Variants in ROBO2 observed in about 807,000 individuals in gnomAD.
The protein encoded by ROBO2 is roundabout homolog 2.
In ROBO2, 53 loss-of-function variants were observed where a neutral mutation model predicts 160.8. The observed-to-expected ratio is 0.33, with a 90% CI of 0.26 to 0.41. The LOEUF is 0.41. ROBO2 is among the 10% of genes least tolerant of loss of function. The probability of loss-of-function intolerance (pLI) is 1.00; values close to 1 mark genes in which losing one functional copy is unlikely to be tolerated. For synonymous variants in ROBO2, 664 were observed against 611.7 expected (o/e 1.09, Z -1.26); for missense variants, 1,577 against 1,722.4 (o/e 0.92, Z 1.49).
intron 2 of ROBO2, among the ~76,000 whole-genome samples, chr3:76,675,499 G>A (rs774958135): frequency 7.2e-5 from 11 of 152,104 alleles, no homozygotes; most frequent in Non-Finnish European, 1.3e-4. Flanking sequence ...AGCCATCATG[G>A]AAGGGTTCAT....
At chr3:76,191,651 A>G (rs72630368) in intron 2 of ROBO2, among the ~76,000 whole-genome samples, 11,425 of 152,122 alleles carry the variant, frequency 0.075, 597 homozygotes, top group East Asian at 0.22. Flanking sequence ...TCTGCAGGAG[A>G]ATACACCTAT....
chr3:77,170,183 ATCTGGG>A (rs767576135), intron 2 of ROBO2, among the ~76,000 whole-genome samples: 21 of 152,118 alleles, frequency 1.4e-4, no homozygotes, highest in Non-Finnish European at 2.5e-4. Context: ...AGGTGGTATT[ATCTGGG>A]TGGCTGCCCA....
intron 1 of ROBO2, among the ~76,000 whole-genome samples, chr3:75,907,765 A>G (rs374316114): frequency 6.6e-6 from 1 of 152,128 alleles, no homozygotes; most frequent in Non-Finnish European, 1.5e-5. Context: ...TGATAGAGAA[A>G]TTCTGGGCGT....
At chr3:76,093,376 A>G (rs1418361938) in intron 2 of ROBO2, among the ~76,000 whole-genome samples, 2 of 151,840 alleles carry the variant, frequency 1.3e-5, no homozygotes, top group African/African-American at 4.8e-5. Context: ...GGCATTGTTT[A>G]TTCATACAAT....
intron 2 of ROBO2, among the ~76,000 whole-genome samples, chr3:75,977,421 A>C (rs2065161378): frequency 6.6e-6 from 1 of 151,586 alleles, no homozygotes. Flanking sequence ...AGACATAAAA[A>C]AGTTGCATCT....
At chr3:77,308,357 A>G (rs964487818) in intron 2 of ROBO2, among the ~76,000 whole-genome samples, 4 of 152,076 alleles carry the variant, frequency 2.6e-5, no homozygotes, top group African/African-American at 9.7e-5. Context: ...GAATAAAAGC[A>G]TAATAAAAGA....
chr3:77,205,921 C>T (rs1404518258), intron 2 of ROBO2, among the ~76,000 whole-genome samples: 1 of 152,024 alleles, frequency 6.6e-6, no homozygotes, highest in African/African-American at 2.4e-5. Context: ...AAATGAGTGG[C>T]TTAAAACAAC....
rs17140611 is a variant in ROBO2, at chr3:76,268,792, A to G, written c.109+331190A>G. On this transcript the variant is annotated intron_variant, in intron 2 of 26. Coordinates refer to the ROBO2 transcript ENST00000487694. ...TTTTTAAAGCATAAATTGGAAGTTGACTGCCTCTTTAGTAGTAAGGCAACA... is the reference window on the plus strand; with the variant it reads ...TTTTTAAAGCATAAATTGGAAGTTGGCTGCCTCTTTAGTAGTAAGGCAACA... Among the ~76,000 whole-genome samples the G allele has an allele frequency of 7.3e-3, 1,109 of 152,262 alleles. 6 individuals carry two copies. The highest frequency in any genetic ancestry group is 0.022 in the African/African-American group (930 of 41,572).
At chr3:77,137,538 T>C (rs2076377474) in intron 2 of ROBO2, among the ~76,000 whole-genome samples, 1 of 152,364 alleles carries the variant, frequency 6.6e-6, no homozygotes, top group Admixed American at 6.5e-5. Context: ...ATATATAACA[T>C]CTTAAGCACA....
chr3:76,335,960 C>G (rs2073864066), intron 2 of ROBO2, among the ~76,000 whole-genome samples: 1 of 152,168 alleles, frequency 6.6e-6, no homozygotes, highest in African/African-American at 2.4e-5. Flanking sequence ...CTTGAATACT[C>G]AGATAGCTTA....
At chr3:77,052,228 C>T (rs999808726) in intron 1 of ROBO2, among the ~76,000 whole-genome samples, 1 of 152,198 alleles carries the variant, frequency 6.6e-6, no homozygotes, top group African/African-American at 2.4e-5. Context: ...AATATGTCCA[C>T]TTTGCTCCCA....
chr3:76,963,140 C>A (rs992461795), intron 2 of ROBO2, among the ~76,000 whole-genome samples: 5 of 125,556 alleles, frequency 4.0e-5, no homozygotes, highest in Non-Finnish European at 8.4e-5. Flanking sequence ...ACACAATGTT[C>A]TGGTCCCTTT....
In ROBO2 at chr3:76,254,952, A is replaced by G. The variant is rs533328780; in HGVS notation, c.109+317350A>G. Reference sequence around the variant, plus strand: ...CCTGTGAATCTATAATTATCTCAATAAACATTTCAATTAAAAAAAGAGAAC... The same window carrying G: ...CCTGTGAATCTATAATTATCTCAATGAACATTTCAATTAAAAAAAGAGAAC... On this transcript the variant is annotated intron_variant, in intron 2 of 26. Coordinates refer to the ROBO2 transcript ENST00000487694. 2.0e-5 allele frequency among the ~76,000 whole-genome samples: 3 copies of G among 152,194 alleles called. No individual in the cohort carries two copies. The East Asian group carries it at 5.8e-4, about 29-fold the overall frequency.
intron 2 of ROBO2, among the ~76,000 whole-genome samples, chr3:76,036,585 A>G (rs984744312): frequency 6.6e-6 from 1 of 151,290 alleles, no homozygotes; most frequent in Non-Finnish European, 1.5e-5. Flanking sequence ...GCTCACCGCA[A>G]CCTCTGCCTC....
chr3:76,475,113 G>A (rs1168759979), intron 2 of ROBO2, among the ~76,000 whole-genome samples: 1 of 148,472 alleles, frequency 6.7e-6, no homozygotes, highest in Non-Finnish European at 1.5e-5. Flanking sequence ...TATAGCACGG[G>A]GGAAAAAAAG....
At chr3:76,673,370 T>C (rs1265882998) in intron 2 of ROBO2, among the ~76,000 whole-genome samples, 1 of 152,002 alleles carries the variant, frequency 6.6e-6, no homozygotes, top group Non-Finnish European at 1.5e-5. Flanking sequence ...GGCCAGGCAG[T>C]GGTGGGTTGG....
intron 2 of ROBO2, among the ~76,000 whole-genome samples, chr3:76,208,262 A>T (rs1702928275): frequency 6.6e-6 from 1 of 152,180 alleles, no homozygotes; most frequent in South Asian, 2.1e-4. Context: ...AGTGATCAAG[A>T]TTAGAATGAA....
At chr3:76,065,673 A>G (rs957937227) in intron 2 of ROBO2, among the ~76,000 whole-genome samples, 2 of 151,258 alleles carry the variant, frequency 1.3e-5, no homozygotes, top group Non-Finnish European at 3.0e-5. Flanking sequence ...ATGCATAAAA[A>G]TACAGCCTGA....
At chr3:76,788,345 T>C (rs1429172923) in intron 2 of ROBO2, among the ~76,000 whole-genome samples, 1 of 151,518 alleles carries the variant, frequency 6.6e-6, no homozygotes, top group Admixed American at 6.6e-5. Context: ...CATCTGTGCC[T>C]TACCTTCTTA....
Sources: gnomAD v4.1 joint callset for allele counts (sites outside exome capture counted in the v4.1 genomes callset) on GRCh38, gnomAD v4.1.1 for gene constraint, MANE v1.5 for transcripts, NCBI Gene and HGNC (gene_info 2026-07-23, HGNC 2026-07-21) for gene names.